SIPA1L3: variants seen among roughly 807,000 people sequenced by gnomAD.
The protein encoded by SIPA1L3 is signal induced proliferation associated 1 like 3.
A neutral mutation model predicts 150.1 loss-of-function variants in SIPA1L3; 59 were observed. The ratio of observed to expected loss-of-function variants is 0.39; its 90% CI spans 0.32 to 0.49. The LOEUF is 0.49. Ranked by LOEUF, SIPA1L3 falls within the 20% of genes least tolerant of loss-of-function variation. SIPA1L3 has a pLI of 0.86. For synonymous variants in SIPA1L3, 1,070 were observed against 1,077.6 expected (o/e 0.99, Z 0.14); for missense variants, 2,211 against 2,489.5 (o/e 0.89, Z 2.38).
At chr19:38,204,304 C>T in intron 21 of SIPA1L3, 96 bp downstream of exon 21, 1 of 904,256 alleles carries the variant, frequency 1.1e-6, no homozygotes, top group Non-Finnish European at 1.7e-6. Flanking sequence ...ATGCAGGACC[C>T]ACCCCACCCC....
At chr19:38,097,361 AG>A (rs1970403321) in intron 4 of SIPA1L3, among the ~76,000 whole-genome samples, 1 of 152,242 alleles carries the variant, frequency 6.6e-6, no homozygotes, top group Non-Finnish European at 1.5e-5. Context: ...AAAGAAAAAA[AG>A]AATAAAAAAA....
Position 38,152,945 on chromosome 19 carries a change from C to T in SIPA1L3, c.3639C>T (p.Ser1213=), listed in dbSNP as rs1393779385. 4 of 1,613,058 alleles carry T rather than the reference C, an allele frequency of 2.5e-6. No individual in the cohort carries two copies. The highest frequency in any genetic ancestry group is 3.4e-6 in the Non-Finnish European group (4 of 1,179,646). ...CCGGCGGCCTGACCAGCCAGGAGAGCACCATGGAACGCCAGAAGCCAGGTA... is the reference window on the plus strand; with the variant it reads ...CCGGCGGCCTGACCAGCCAGGAGAGTACCATGGAACGCCAGAAGCCAGGTA... ...SSSGGLTSQE[S]TMERQKPEPL... The change falls in exon 13 of 22, where the codon AGC becomes AGT. Residue 1213 remains serine (S), a synonymous_variant. Transcript: ENST00000222345.
rs77161336 is a variant in SIPA1L3 at position 37,965,727 on chromosome 19, G to A, written c.-379+58369G>A. On this transcript the variant is annotated intron_variant, in intron 1 of 21. Transcript: ENST00000222345. The stretch of plus-strand genomic sequence containing the variant: ...ACCCACCTCCCTGCCCCCACCCCTA[G>A]TCCCTGCATTCTAGATTCCTTAATT... Among the ~76,000 whole-genome samples, 1,080 of 127,144 alleles carry A rather than the reference G, an allele frequency of 8.5e-3. 40 individuals are homozygous for A. In the East Asian group the frequency reaches 0.089, roughly 10 times the overall value. 83.4% of individuals were successfully genotyped at this position (127,144 alleles called of 152,430 possible).
intron 2 of SIPA1L3, among the ~76,000 whole-genome samples, chr19:38,077,655 CTTTTTCTTTTTTTTTTTT>C (rs1969869332): frequency 1.6e-5 from 1 of 62,722 alleles, no homozygotes; most frequent in Non-Finnish European, 3.0e-5. Flanking sequence ...TTTTCTTTTT[CTTTTTCTTTTTTTTTTTT>C]TTTTTTTTTT....
At chr19:37,941,087 TACAC>T (rs59368800) in intron 1 of SIPA1L3, among the ~76,000 whole-genome samples, 421 of 128,638 alleles carry the variant, frequency 3.3e-3, no homozygotes, top group East Asian at 5.1e-3. Context: ...CACACACACA[TACAC>T]ACACACACAC....
intron 20 of SIPA1L3, among the ~76,000 whole-genome samples, chr19:38,202,839 G>A (rs1159748438): frequency 3.3e-5 from 5 of 150,912 alleles, no homozygotes; most frequent in African/African-American, 9.7e-5. Flanking sequence ...GAAGCTTCAC[G>A]GGGGAAGGAA....
At chr19:38,014,631 C>G (rs1297520225) in intron 1 of SIPA1L3, among the ~76,000 whole-genome samples, 1 of 145,742 alleles carries the variant, frequency 6.9e-6, no homozygotes, top group Non-Finnish European at 1.5e-5. Context: ...TAGCTCACTT[C>G]AGCTTCAACC....
At chr19:38,149,867 C>T (rs973305557) in intron 12 of SIPA1L3, among the ~76,000 whole-genome samples, 12 of 152,338 alleles carry the variant, frequency 7.9e-5, no homozygotes, top group African/African-American at 1.2e-4. Flanking sequence ...GAAGGAGAGG[C>T]TAGTCATGGG....
At chr19:38,187,759 T>C (rs1228956634) in intron 16 of SIPA1L3, among the ~76,000 whole-genome samples, 1 of 149,204 alleles carries the variant, frequency 6.7e-6, no homozygotes, top group Non-Finnish European at 1.5e-5. Context: ...AAAAAAACTT[T>C]TTTCAAGGCG....
intron 2 of SIPA1L3, among the ~76,000 whole-genome samples, chr19:38,077,667 T>TTC (rs1969874202): frequency 1.5e-5 from 1 of 68,914 alleles, no homozygotes; most frequent in Non-Finnish European, 2.7e-5. Context: ...TTTTCTTTTT[T>TTC]TTTTTTTTTT....
intron 1 of SIPA1L3, among the ~76,000 whole-genome samples, chr19:37,976,327 T>C (rs972381376): frequency 3.9e-5 from 6 of 152,248 alleles, no homozygotes; most frequent in Middle Eastern, 3.4e-3. Context: ...CTCTTGGAGA[T>C]GCAGGCTGCC....
chr19:37,990,247 G>A lies in SIPA1L3; in HGVS notation c.-378-38842G>A, dbSNP rs549604211. ...GGACCAGATCACCAGCTACCTGGGG[G>A]TAGGGACAGAGGCATCTTTTTGGGT... On this transcript the variant is annotated intron_variant, in intron 1 of 21. Coordinates refer to ENST00000222345, the MANE Select transcript of SIPA1L3 (RefSeq NM_015073.3). Among the ~76,000 whole-genome samples the A allele has an allele frequency of 2.0e-5, 3 of 152,304 alleles. No individual in the cohort carries two copies. In the South Asian group the frequency reaches 6.2e-4, roughly 32 times the overall value.
chr19:38,183,569 G>C (rs1299028741), intron 16 of SIPA1L3, among the ~76,000 whole-genome samples: 2 of 152,208 alleles, frequency 1.3e-5, no homozygotes, highest in Non-Finnish European at 2.9e-5. Flanking sequence ...TTCGGTGCGA[G>C]ATTCGCAGGA....
At chr19:38,144,268 G>A (rs1406113480) in intron 12 of SIPA1L3, among the ~76,000 whole-genome samples, 1 of 152,264 alleles carries the variant, frequency 6.6e-6, no homozygotes, top group Non-Finnish European at 1.5e-5. Context: ...ACCTGTAAGA[G>A]AGCGAGAGAG....
At chr19:38,063,835 A>G (rs1404350032) in intron 2 of SIPA1L3, among the ~76,000 whole-genome samples, 1 of 152,198 alleles carries the variant, frequency 6.6e-6, no homozygotes, top group Non-Finnish European at 1.5e-5. Flanking sequence ...AAATAATAAT[A>G]ATAACACTAA....
In SIPA1L3 at chr19:38,164,745, G is replaced by A. The variant is rs757740835; in HGVS notation, c.4047G>A (p.Glu1349=). ...GSMGLCGGGR[E]AAGRSHHADR... is the part of the protein sequence containing the mutation. ...TGGGCCTTTGTGGCGGGGGTCGCGA[G>A]GCCGCTGGGAGGTCCCACCACGCAG... is the stretch of plus-strand genomic sequence containing the variant. The change falls in exon 15 of 22, where the codon GAG becomes GAA. Residue 1349 remains glutamate (E), a synonymous_variant. Coordinates refer to ENST00000222345, the MANE Select transcript of SIPA1L3 (RefSeq NM_015073.3). The surrounding 1 kb of genome is among the most constrained non-coding windows in gnomAD (Gnocchi z 4.1). 5.0e-6 allele frequency: 8 copies of A among 1,612,786 alleles called. No individual in the cohort carries two copies. Among genetic ancestry groups the A allele is most frequent in the South Asian group, 4.4e-5 (4 of 90,988 alleles).
At chr19:38,166,497 G>T (rs186207336) in intron 15 of SIPA1L3, among the ~76,000 whole-genome samples, 1 of 151,838 alleles carries the variant, frequency 6.6e-6, no homozygotes, top group Non-Finnish European at 1.5e-5. Flanking sequence ...AGGAATTGGC[G>T]AGCCAGCAGC....
chr19:37,926,488 G>C (rs2046504753), intron 1 of SIPA1L3, among the ~76,000 whole-genome samples: 1 of 152,156 alleles, frequency 6.6e-6, no homozygotes. Flanking sequence ...ACATGGTGGG[G>C]GTGCTCTCTG....
At chr19:37,956,492 T>G (rs1462579931) in intron 1 of SIPA1L3, among the ~76,000 whole-genome samples, 4 of 149,270 alleles carry the variant, frequency 2.7e-5, no homozygotes, top group East Asian at 2.0e-4. Flanking sequence ...GTTTTGTTTT[T>G]TTTTTTTTTT....
Sources: allele counts gnomAD v4.1 joint callset (sites outside exome capture counted in the v4.1 genomes callset), GRCh38; gene constraint gnomAD v4.1.1; non-coding constraint Gnocchi (gnomAD v3.1); transcripts MANE v1.5; gene names NCBI Gene and HGNC (gene_info 2026-07-23, HGNC 2026-07-21).